Variants in RSRP1 observed in about 807,000 individuals in gnomAD.
The protein encoded by RSRP1 is arginine/serine-rich protein 1.
RSRP1 carries 37 observed loss-of-function variants against 33.0 expected under a neutral mutation model. The observed-to-expected ratio is 1.12, with a 90% CI of 0.86 to 1.48. The LOEUF (loss-of-function observed/expected upper bound fraction) is 1.48. Ranked by LOEUF, RSRP1 falls within the 40% of genes most tolerant of loss-of-function variation. RSRP1 has a pLI of 0.00. For synonymous variants in RSRP1, 167 were observed against 158.7 expected (o/e 1.05, Z -0.40); for missense variants, 402 against 385.3 (o/e 1.04, Z -0.36).
intron 1 of RSRP1, among the ~76,000 whole-genome samples, chr1:25,305,829 C>T (rs1309178561): frequency 7.7e-6 from 1 of 130,568 alleles, no homozygotes; most frequent in Non-Finnish European, 1.8e-5. Context: ...CTTGAACTCC[C>T]GACTTCAGGT....
chr1:25,244,992 GGTTT>G, intron 3 of RSRP1, 154 bp downstream of exon 3: 2 of 1,518,262 alleles, frequency 1.3e-6, no homozygotes, highest in Non-Finnish European at 1.8e-6. Context: ...CATTTTCATG[GGTTT>G]GACATTGCCT....
In RSRP1 at chr1:25,312,482, T is replaced by C. The variant is rs1354783184; in HGVS notation, c.-67+25496A>G. Among the ~76,000 whole-genome samples, 4 of 128,862 alleles carry C rather than the reference T, an allele frequency of 3.1e-5. 1 individual carries two copies. Among genetic ancestry groups the C allele is most frequent in the Admixed American group, 3.0e-4 (4 of 13,180 alleles). 84.5% of individuals were successfully genotyped at this position (128,862 alleles called of 152,430 possible). On this transcript the variant is annotated intron_variant, in intron 1 of 1. Transcript: ENST00000561867. ...GGGGTTGTCTAAGTGTGGTGTTTCA[T>C]GCCTGTAATCCCAGTGATTTGGGAG...
intron 4 of RSRP1, 30 bp from the exon 5 acceptor site, chr1:25,242,735 C>A (rs200176952): frequency 2.1e-6 from 3 of 1,403,270 alleles, no homozygotes. Flanking sequence ...GTCAGCTTCC[C>A]AAACATACAT....
chr1:25,245,445 G>A (rs1001429895), intron 2 of RSRP1, 144 bp from the exon 3 acceptor site: 4 of 1,172,838 alleles, frequency 3.4e-6, no homozygotes, highest in Admixed American at 5.7e-5. Flanking sequence ...AACTAAGGTT[G>A]CCCTTGAACA....
intron 3 of RSRP1, 140 bp from the exon 4 acceptor site, chr1:25,243,773 A>C: frequency 7.1e-7 from 1 of 1,415,640 alleles, no homozygotes; most frequent in Non-Finnish European, 9.2e-7. Flanking sequence ...TAAGTAACAG[A>C]ACTATTGAGT....
rs1461515138 is a variant in RSRP1, at chr1:25,314,828, C to G, written c.-67+23150G>C. On this transcript the variant is annotated intron_variant, in intron 1 of 1. Transcript: ENST00000561867. The stretch of plus-strand genomic sequence containing the variant: ...CCACCTTTTACTTTCTTAATGGTGT[C>G]TTTTGAACAAGAGAGGTTCTTAATT... Among the ~76,000 whole-genome samples, 8 of 131,404 alleles carry G rather than the reference C, an allele frequency of 6.1e-5. 3 individuals are homozygous for G. Among genetic ancestry groups the G allele is most frequent in the Admixed American group, 3.0e-4 (4 of 13,480 alleles). The allele number at this position is 131,404 out of a possible 152,430, so 86.2% of individuals were successfully genotyped here.
At chr1:25,244,629 C>G in intron 3 of RSRP1, 2 of 1,247,678 alleles carry the variant, frequency 1.6e-6, no homozygotes, top group South Asian at 2.7e-5. Flanking sequence ...ATAGAAATCA[C>G]CAAAGTACCA....
At chr1:25,272,707 T>C (rs759802422) in intron 1 of RSRP1, 4 of 1,385,812 alleles carry the variant, frequency 2.9e-6, no homozygotes, top group Non-Finnish European at 4.1e-6. Context: ...TGAGAGTTCA[T>C]TGGAAAAGTG....
chr1:25,331,108 C>T lies in RSRP1; in HGVS notation c.-67+6870G>A, dbSNP rs1371701911. 2.4e-5 allele frequency among the ~76,000 whole-genome samples: 3 copies of T among 127,522 alleles called. 1 individual carries two copies. Among genetic ancestry groups the T allele is most frequent in the Admixed American group, 2.3e-4 (3 of 13,060 alleles). 83.7% of individuals were successfully genotyped at this position (127,522 alleles called of 152,430 possible). ...TCAGCCTCCCAAGTAGCTGGGACTA[C>T]AGGTGCCCACCATCATGCCTGGCTA... is the stretch of plus-strand genomic sequence containing the variant. On this transcript the variant is annotated intron_variant, in intron 1 of 1. Transcript: ENST00000561867.
intron 2 of RSRP1, chr1:25,245,988 C>CA (rs1639348388): frequency 6.2e-6 from 1 of 160,706 alleles, no homozygotes; most frequent in South Asian, 1.6e-4. Flanking sequence ...TCAAGTGACC[C>CA]ACCCGCCTCC....
chr1:25,309,946 T>C (rs1644053166), intron 1 of RSRP1, among the ~76,000 whole-genome samples: 1 of 132,938 alleles, frequency 7.5e-6, no homozygotes, highest in Admixed American at 7.3e-5. Flanking sequence ...TCAGCAGGTT[T>C]GGGTTTATCC....
chr1:25,287,901 T>C lies in RSRP1; in HGVS notation c.-66-40872A>G, dbSNP rs140707942. 9.8e-3 allele frequency among the ~76,000 whole-genome samples: 1,250 copies of C among 127,580 alleles called. 188 individuals carry two copies. Among genetic ancestry groups the C allele is most frequent in the African/African-American group, 0.028 (1,060 of 38,138 alleles). The allele number at this position is 127,580 out of a possible 152,430, so 83.7% of individuals were successfully genotyped here. The stretch of plus-strand genomic sequence containing the variant: ...CCATGCCCTGCTAATTTTTGTATTT[T>C]TAGTAGACAAGGGGTTTCACCAGGT... On this transcript the variant is annotated intron_variant, in intron 1 of 1. Coordinates refer to the RSRP1 transcript ENST00000561867.
Position 25,330,953 on chromosome 1 carries a change from C to CT in RSRP1, c.-67+7024dup, listed in dbSNP as rs71014353. Among the ~76,000 whole-genome samples the CT allele has an allele frequency of 2.2e-3, 77 of 34,734 alleles. 10 individuals carry two copies. Among genetic ancestry groups the CT allele is most frequent in the Non-Finnish European group, 2.0e-3 (35 of 17,356 alleles). The allele number at this position is 34,734 out of a possible 152,430, so 22.8% of individuals were successfully genotyped here. A position where few individuals can be genotyped will look rare whatever the true frequency, so the allele number is the denominator to read the frequency against. ...CTTTTACACTTCTGGTGTCATCTTC[C>CT]TTTTTTTTTTTTTTTTTTTTTTTTT... is the stretch of plus-strand genomic sequence containing the variant. On this transcript the variant is annotated intron_variant, in intron 1 of 1. Coordinates refer to the RSRP1 transcript ENST00000561867.
chr1:25,301,992 G>C (rs531459273), intron 1 of RSRP1, among the ~76,000 whole-genome samples: 2 of 130,582 alleles, frequency 1.5e-5, no homozygotes, highest in Non-Finnish European at 3.6e-5. Context: ...CACCATGAGC[G>C]AGAGTCAGCA....
upstream of RSRP1, among the ~76,000 whole-genome samples, chr1:25,248,726 T>C (rs1171455931): frequency 6.6e-6 from 1 of 152,224 alleles, no homozygotes; most frequent in Non-Finnish European, 1.5e-5. Context: ...CCACATCTCC[T>C]GAGGATGCAT....
At chr1:25,281,123 G>A (rs1641457372) in intron 1 of RSRP1, among the ~76,000 whole-genome samples, 1 of 132,740 alleles carries the variant, frequency 7.5e-6, no homozygotes, top group African/African-American at 2.6e-5. Context: ...TGAGGTGAGA[G>A]AAGAAAGAGC....
At chr1:25,321,858 T>C (rs28669938) in intron 1 of RSRP1, 255,436 of 1,044,360 alleles carry the variant, frequency 0.24, 70,217 homozygotes, top group Admixed American at 0.31. Context: ...GTGCTCCAAA[T>C]CTTTTAACAT....
rs538768580 is a variant in RSRP1, at chr1:25,266,702, T to C, written c.-66-19673A>G. ...ACCTGTGCGTATCTCTTAATGACAATTGACCCACATTTTTGACTGAAGTGA... is the reference window on the plus strand; with the variant it reads ...ACCTGTGCGTATCTCTTAATGACAACTGACCCACATTTTTGACTGAAGTGA... On this transcript the variant is annotated intron_variant, in intron 1 of 1. Transcript: ENST00000561867. The C allele has an allele frequency of 4.5e-4, 66 of 146,114 alleles. 11 individuals are homozygous for C. Among genetic ancestry groups the C allele is most frequent in the African/African-American group, 1.4e-3 (50 of 36,130 alleles). 9.1% of individuals were successfully genotyped at this position (146,114 alleles called of 1,614,324 possible).
chr1:25,242,761 C>T, intron 4 of RSRP1, 56 bp from the exon 5 acceptor site: 5 of 1,197,140 alleles, frequency 4.2e-6, no homozygotes, highest in Admixed American at 2.0e-5. Context: ...ACTTTTTTCA[C>T]AAAAAAAAGT....
Sources: allele counts gnomAD v4.1 joint callset (sites outside exome capture counted in the v4.1 genomes callset), GRCh38; gene constraint gnomAD v4.1.1; transcripts MANE v1.5; gene names NCBI Gene and HGNC (gene_info 2026-07-23, HGNC 2026-07-21).